Variants in PRF1 observed in about 807,000 individuals in gnomAD.
PRF1 encodes the protein perforin-1.
PRF1 carries 11 observed loss-of-function variants against 11.7 expected under a neutral mutation model. That is an observed-to-expected ratio of 0.94 (90% confidence interval 0.59 to 1.56). PRF1 has a LOEUF of 1.56. Ranked by LOEUF, PRF1 falls within the 40% of genes most tolerant of loss-of-function variation. The pLI, the probability that PRF1 is intolerant of heterozygous loss-of-function variation, is 0.00. For missense variants in PRF1, 729 were observed against 751.0 expected, an observed-to-expected ratio of 0.97 and a Z score of 0.34; for synonymous variants, 314 against 327.8, an observed-to-expected ratio of 0.96 and a Z score of 0.45.
rs10999425 is a variant in PRF1, at chr10:70,599,651, G to A, written c.540-470C>T. 2.0e-5 allele frequency among the ~76,000 whole-genome samples: 3 copies of A among 152,128 alleles called. No homozygotes were observed. The East Asian group carries it at 5.8e-4, about 29-fold the overall frequency. ...TGATCCTGCACTGATGGTATCTGTC[G>A]AACTTTGGAACTAGTCATGTGGCCT... On this transcript the variant is annotated intron_variant, in intron 2 of 2. Coordinates refer to ENST00000441259, the MANE Select transcript of PRF1 (RefSeq NM_001083116.3).
chr10:70,598,393 A>G lies in PRF1; in HGVS notation c.1328T>C (p.Phe443Ser). Residue 443 changes from phenylalanine (F) to serine (S), a missense_variant, in exon 3 of 3, where the codon TTT becomes TCT. Phe to Ser is a radical substitution (Grantham distance 155). Coordinates refer to ENST00000441259, the MANE Select transcript of PRF1 (RefSeq NM_001083116.3). ...TATDAYVKLFFGGQELRTSTV... is the reference protein window; with the variant it reads ...TATDAYVKLFSGGQELRTSTV... The stretch of plus-strand genomic sequence containing the variant: ...GCTCGTCCTCAGCTCCTGGCCACCA[A>G]AGAAGAGCTTCACATAGGCATCCGT... 6.2e-7 allele frequency: 1 copy of G among 1,614,068 alleles called. No homozygotes were observed. The highest frequency in any genetic ancestry group is 2.2e-5 in the East Asian group (1 of 44,866).
chr10:70,601,004 A>G (rs1049374267), intron 1 of PRF1, 72 bp from the exon 2 acceptor site: 27 of 1,517,960 alleles, frequency 1.8e-5, no homozygotes, highest in Admixed American at 4.0e-5. Context: ...ATCAGGGCAC[A>G]TGGAAGGGGA....
rs1278094424 is a variant in PRF1 at position 70,598,495 on chromosome 10, G to A, written c.1226C>T (p.Pro409Leu). ...CAGCTGGGCCAGGCCCCTCTGCCGA[G>A]GGCAGCAGTCCTGGGTGGTGACCGC... ...GSAVTTQDCC[P>L]RQRGLAQLEV... is the part of the protein sequence containing the mutation. Residue 409 changes from proline (P) to leucine (L), a missense_variant, in exon 3 of 3, where the codon CCT (proline) becomes CTT (leucine). Transcript: ENST00000441259. The A allele has an allele frequency of 6.2e-7, 1 of 1,613,406 alleles. No homozygotes were observed. The highest frequency in any genetic ancestry group is 1.3e-5 in the African/African-American group (1 of 74,930).
chr10:70,598,347 G>A lies in PRF1; in HGVS notation c.1374C>T (p.Asn458=). 6.2e-7 allele frequency: 1 copy of A among 1,614,194 alleles called. No individual in the cohort carries two copies. Among genetic ancestry groups the A allele is most frequent in the East Asian group, 2.2e-5 (1 of 44,878 alleles). Residue 458 remains asparagine, a synonymous_variant, in exon 3 of 3, where the codon AAC becomes AAT. Coordinates refer to ENST00000441259, the MANE Select transcript of PRF1 (RefSeq NM_001083116.3). ...AATCCAGCCGCACTGACCAGATGGG[G>A]TTGTTATTGTCCCACACGGTGCTCG... The part of the protein sequence containing the change: ...LRTSTVWDNN[N]PIWSVRLDFG...
rs1848140958 is a variant in PRF1 at position 70,597,523 on chromosome 10, C to G, written c.*530G>C. 2.4e-6 allele frequency: 1 copy of G among 425,428 alleles called. No individual in the cohort carries two copies. The highest frequency in any genetic ancestry group is 2.0e-5 in the African/African-American group (1 of 48,996). The allele number at this position is 425,428 out of a possible 1,614,324, so 26.4% of individuals were successfully genotyped here. On this transcript the variant is annotated 3_prime_UTR_variant, in exon 3 of 3. Coordinates refer to ENST00000441259, the MANE Select transcript of PRF1 (RefSeq NM_001083116.3). ...AGGCTTTGCCACACCATAGAGGGCT[C>G]AAGGGAAGGGTCCTAAAAGACCAGC... is the stretch of plus-strand genomic sequence containing the variant.
chr10:70,602,224 TGACTTGAAGGGTG>T (rs1163065463), intron 1 of PRF1, among the ~76,000 whole-genome samples: 1 of 152,096 alleles, frequency 6.6e-6, no homozygotes, highest in Non-Finnish European at 1.5e-5. Flanking sequence ...CCCAAAGGTG[TGACTTGAAGGGTG>T]GAATTTCAGG....
chr10:70,598,556 G>T lies in PRF1; in HGVS notation c.1165C>A (p.Pro389Thr). The T allele has an allele frequency of 6.2e-7, 1 of 1,612,958 alleles. No individual in the cohort carries two copies. The highest frequency in any genetic ancestry group is 8.5e-7 in the Non-Finnish European group (1 of 1,179,800). Residue 389 changes from proline to threonine, a missense_variant, in exon 3 of 3, where the codon CCC becomes ACC. By Grantham distance (38) the Pro-to-Thr change is conservative. Transcript: ENST00000441259. Reference protein sequence around the residue: ...RPCPPGRQKSPRDPCQCVCHG... With the variant: ...RPCPPGRQKSTRDPCQCVCHG... The stretch of plus-strand genomic sequence containing the variant: ...CACACACACTGGCATGGGTCTCGGG[G>T]GCTCTTCTGCCGCCCTGGTGGGCAC...
chr10:70,599,097 G>A lies in PRF1; in HGVS notation c.624C>T (p.Thr208=), dbSNP rs375086595. ...AGATAAGCCTGAGGTAGGCGGGCTG[G>A]GTGGAGGCGTTGAAGTGGTGGGGCA... ...GDLPHHFNAS[T]QPAYLRLISN... is the part of the protein sequence containing the mutation. The change falls in exon 3 of 3, where the codon ACC becomes ACT. Residue 208 remains threonine, a synonymous_variant. Coordinates refer to ENST00000441259, the MANE Select transcript of PRF1 (RefSeq NM_001083116.3). The A allele has an allele frequency of 5.0e-6, 8 of 1,614,028 alleles. No individual in the cohort carries two copies. Among genetic ancestry groups the A allele is most frequent in the African/African-American group, 1.3e-5 (1 of 74,950 alleles).
intron 2 of PRF1, among the ~76,000 whole-genome samples, chr10:70,599,724 C>G (rs1415531842): frequency 2.6e-5 from 4 of 152,258 alleles, no homozygotes; most frequent in Admixed American, 2.6e-4. Flanking sequence ...GGGATCCTGA[C>G]AGCTTGGGCC....
In PRF1 at chr10:70,597,843, T is replaced by TAAAA. The variant is rs34914326; in HGVS notation, c.*206_*209dup. 6.7e-6 allele frequency: 4 copies of TAAAA among 596,734 alleles called. No individual in the cohort carries two copies. The highest frequency in any genetic ancestry group is 4.0e-5 in the African/African-American group (2 of 50,558). The allele number at this position is 596,734 out of a possible 1,614,324, so 37.0% of individuals were successfully genotyped here. ...CTAGCACTAACGATAGCCGATGAGC[T>TAAAA]AAAAAAAAAAAAAAAATAGCAAAAA... On this transcript the variant is annotated 3_prime_UTR_variant, in exon 3 of 3. Transcript: ENST00000441259.
intron 1 of PRF1, among the ~76,000 whole-genome samples, chr10:70,602,202 C>A (rs1404256450): frequency 6.6e-6 from 1 of 152,180 alleles, no homozygotes; most frequent in South Asian, 2.1e-4. Flanking sequence ...ATAGCTGGAG[C>A]CTCCTGCCCT....
chr10:70,597,729 C>T lies in PRF1; in HGVS notation c.*324G>A. 1.7e-6 allele frequency: 1 copy of T among 595,868 alleles called. No homozygotes were observed. The highest frequency in any genetic ancestry group is 3.0e-6 in the Non-Finnish European group (1 of 336,516). 36.9% of individuals were successfully genotyped at this position (595,868 alleles called of 1,614,324 possible). Reference sequence around the variant, plus strand: ...TCCCTGAAAAACAGTCTGAATCTCCCTTTTCCATCTGTCTGATGCGTATCC... The same window carrying T: ...TCCCTGAAAAACAGTCTGAATCTCCTTTTTCCATCTGTCTGATGCGTATCC... On this transcript the variant is annotated 3_prime_UTR_variant, in exon 3 of 3. Transcript: ENST00000441259.
chr10:70,597,817 A>G lies in PRF1; in HGVS notation c.*236T>C. 1.6e-6 allele frequency: 1 copy of G among 611,644 alleles called. No homozygotes were observed. Among genetic ancestry groups the G allele is most frequent in the East Asian group, 2.7e-5 (1 of 36,540 alleles). The allele number at this position is 611,644 out of a possible 1,614,324, so 37.9% of individuals were successfully genotyped here. ...TTGTGTTGGGCCACATGTAAAATCC[A>G]CTAGCACTAACGATAGCCGATGAGC... is the stretch of plus-strand genomic sequence containing the variant. On this transcript the variant is annotated 3_prime_UTR_variant, in exon 3 of 3. Transcript: ENST00000441259.
chr10:70,599,905 C>T (rs1275481989), intron 2 of PRF1, among the ~76,000 whole-genome samples: 1 of 152,234 alleles, frequency 6.6e-6, no homozygotes, highest in East Asian at 1.9e-4. Context: ...CAGTGTGGCC[C>T]TGCCACAGGC....
rs775121659 is a variant in PRF1, at chr10:70,598,552, C to T, written c.1169G>A (p.Arg390Gln). 29 of 1,612,858 alleles carry T rather than the reference C, an allele frequency of 1.8e-5. No homozygotes were observed. The highest frequency in any genetic ancestry group is 8.0e-5 in the African/African-American group (6 of 74,924). ...ATGGCACACACACTGGCATGGGTCT[C>T]GGGGGCTCTTCTGCCGCCCTGGTGG... Reference protein sequence around the residue: ...PCPPGRQKSPRDPCQCVCHGS... With the variant: ...PCPPGRQKSPQDPCQCVCHGS... Residue 390 changes from arginine to glutamine, a missense_variant, in exon 3 of 3, where the codon CGA becomes CAA. By Grantham distance (43) the Arg-to-Gln change is conservative (BLOSUM62 1). Transcript: ENST00000441259.
At position 70,598,868 on chromosome 10, in the gene PRF1, T is replaced by G. The variant is rs753226704; in HGVS notation, c.853A>C (p.Lys285Gln). ...TGGAAGGAGGCCGTCATCTTGTGCTTCTTCTTCTTCTCCTCACAGGCCTTG... is the reference window on the plus strand; with the variant it reads ...TGGAAGGAGGCCGTCATCTTGTGCTGCTTCTTCTTCTCCTCACAGGCCTTG... ...EAKACEEKKK[K>Q]HKMTASFHQT... is the part of the protein sequence containing the mutation. Residue 285 changes from lysine to glutamine, a missense_variant, in exon 3 of 3, where the codon AAG becomes CAG. Physicochemically the swap from Lys to Gln is moderately conservative, Grantham distance 53 (BLOSUM62 1). Coordinates refer to ENST00000441259, the MANE Select transcript of PRF1 (RefSeq NM_001083116.3). 19 of 1,591,186 alleles carry G rather than the reference T, an allele frequency of 1.2e-5. No homozygotes were observed. Among genetic ancestry groups the G allele is most frequent in the South Asian group, 5.5e-5 (5 of 90,642 alleles).
In PRF1 at chr10:70,598,906, ATGC is replaced by A. The variant is rs1256132888; in HGVS notation, c.812_814del (p.Ser271del). On this transcript the variant is annotated inframe_deletion, in exon 3 of 3. Coordinates refer to ENST00000441259, the MANE Select transcript of PRF1 (RefSeq NM_001083116.3). ...CTCACAGGCCTTGGCTTCGGCAGAG[ATGC>A]TGCCGTGGATGCCTATGTTGACCTG... The A allele has an allele frequency of 6.2e-7, 1 of 1,614,216 alleles. No homozygotes were observed. The highest frequency in any genetic ancestry group is 8.5e-7 in the Non-Finnish European group (1 of 1,180,034).
intron 1 of PRF1, among the ~76,000 whole-genome samples, chr10:70,601,624 T>A (rs1372908795): frequency 1.3e-5 from 2 of 151,628 alleles, no homozygotes; most frequent in Non-Finnish European, 1.5e-5. Context: ...AGGTCAGAAG[T>A]TCGAGACCAG....
chr10:70,600,305 A>G lies in PRF1; in HGVS notation c.539+59T>C, dbSNP rs982672650. On this transcript the variant is annotated intron_variant, in intron 2 of 2. Coordinates refer to ENST00000441259, the MANE Select transcript of PRF1 (RefSeq NM_001083116.3). The surrounding 1 kb of genome is among the most constrained non-coding windows in gnomAD (Gnocchi z 4.9). ...AGGACTCTGCCTTTCCAGGGCTCCTAGACCACCCAGAGTTTCCCGCGCCTT... is the reference window on the plus strand; with the variant it reads ...AGGACTCTGCCTTTCCAGGGCTCCTGGACCACCCAGAGTTTCCCGCGCCTT... 5.0e-6 allele frequency: 8 copies of G among 1,604,566 alleles called. No individual in the cohort carries two copies. The highest frequency in any genetic ancestry group is 6.8e-6 in the Non-Finnish European group (8 of 1,177,040).
Sources: gnomAD v4.1 joint callset for allele counts (sites outside exome capture counted in the v4.1 genomes callset) on GRCh38, gnomAD v4.1.1 for gene constraint, Gnocchi (gnomAD v3.1) non-coding constraint, MANE v1.5 for transcripts, NCBI Gene and HGNC (gene_info 2026-07-23, HGNC 2026-07-21) for gene names.